Variants in SAMD12 observed in about 807,000 individuals in gnomAD.
The protein encoded by SAMD12 is sterile alpha motif domain-containing protein 12.
Under a neutral mutation model 15.0 loss-of-function variants are expected in SAMD12, and 9 were observed. The ratio of observed to expected loss-of-function variants is 0.60; its 90% CI spans 0.36 to 1.05. The LOEUF is 1.05. SAMD12 is among the 50% of genes least tolerant of loss of function. The pLI is 0.01. For synonymous variants in SAMD12, 86 were observed against 90.1 expected (o/e 0.96, Z 0.25); for missense variants, 230 against 234.2 (o/e 0.98, Z 0.12).
rs527702659 is a variant in SAMD12 at position 118,581,896 on chromosome 8, A to G, written c.14-1003T>C. On this transcript the variant is annotated intron_variant, in intron 1 of 3. Transcript: ENST00000314727. ...CTTTATTCACAGAGAAGTTAAGGCC[A>G]GATACTTAATACCCCCATCTTCCCC... is the stretch of plus-strand genomic sequence containing the variant. Among the ~76,000 whole-genome samples, 387 of 152,250 alleles carry G rather than the reference A, an allele frequency of 2.5e-3. 1 individual carries two copies. Among genetic ancestry groups the G allele is most frequent in the Non-Finnish European group, 4.4e-3 (298 of 68,006 alleles).
At chr8:118,207,968 C>G (rs1396412823) in intron 4 of SAMD12, among the ~76,000 whole-genome samples, 9 of 151,452 alleles carry the variant, frequency 5.9e-5, no homozygotes, top group Admixed American at 5.9e-4. Context: ...AGAAATATCT[C>G]TTTTGGAAAC....
intron 2 of SAMD12, among the ~76,000 whole-genome samples, chr8:118,477,951 T>C (rs1243531207): frequency 2.0e-5 from 3 of 148,798 alleles, no homozygotes; most frequent in Non-Finnish European, 4.4e-5. Flanking sequence ...GAGGTGGTGC[T>C]TGCAGTGAGC....
chr8:118,363,772 T>C (rs999640924), intron 4 of SAMD12, among the ~76,000 whole-genome samples: 7 of 152,224 alleles, frequency 4.6e-5, no homozygotes, highest in African/African-American at 1.7e-4. Context: ...AGAAATAATA[T>C]TTTTTAGCTG....
chr8:118,355,936 C>T (rs180735746), intron 4 of SAMD12, among the ~76,000 whole-genome samples: 18 of 152,266 alleles, frequency 1.2e-4, no homozygotes, highest in Non-Finnish European at 7.4e-5. Context: ...CCTAAATGAT[C>T]CCCTCTCTTA....
chr8:118,284,508 A>T (rs1368145673), intron 4 of SAMD12: 5 of 356,560 alleles, frequency 1.4e-5, no homozygotes, highest in African/African-American at 1.1e-4. Flanking sequence ...TACTCTTTCC[A>T]TCTAGACAAA....
At chr8:118,173,914 G>A in the SAMD12 span, among the ~76,000 whole-genome samples, 1 of 152,056 alleles carries the variant, frequency 6.6e-6, no homozygotes, top group Non-Finnish European at 1.5e-5. Flanking sequence ...GCAGGCATGA[G>A]CCAACACATC....
the SAMD12 span, among the ~76,000 whole-genome samples, chr8:118,181,074 TG>T: frequency 2.0e-5 from 3 of 152,050 alleles, no homozygotes; most frequent in East Asian, 5.8e-4. Flanking sequence ...GTTTTAGAGA[TG>T]GGGGTCTTGC....
At chr8:118,295,562 A>G (rs548185465) in intron 4 of SAMD12, 1 of 152,336 alleles carries the variant, frequency 6.6e-6, no homozygotes, top group East Asian at 1.9e-4. Context: ...TTTATTAAAT[A>G]AAAGCCTAGG....
At chr8:118,358,820 T>A (rs1314367216) in intron 4 of SAMD12, among the ~76,000 whole-genome samples, 1 of 152,178 alleles carries the variant, frequency 6.6e-6, no homozygotes, top group African/African-American at 2.4e-5. Flanking sequence ...CAGAGTAGTA[T>A]ATGGATACTC....
intron 2 of SAMD12, among the ~76,000 whole-genome samples, chr8:118,491,183 CTG>C (rs1335055114): frequency 6.6e-6 from 1 of 152,164 alleles, no homozygotes; most frequent in Non-Finnish European, 1.5e-5. Context: ...CTTGAAGAAA[CTG>C]AGTTCTTTCT....
chr8:118,215,002 T>G (rs1205402212), intron 4 of SAMD12, among the ~76,000 whole-genome samples: 1 of 152,220 alleles, frequency 6.6e-6, no homozygotes, highest in Admixed American at 6.5e-5. Context: ...GAGAATTTAC[T>G]TGCAGCACTA....
exon 5 of SAMD12, chr8:118,191,809 TATAGAGAGAGAGAGAG>T (rs1819406852): frequency 8.4e-5 from 1 of 11,910 alleles, no homozygotes; most frequent in African/African-American, 2.3e-4. Context: ...TATATATATA[TATAGAGAGAGAGAGAG>T]AGAGAGAGAG....
intron 2 of SAMD12, among the ~76,000 whole-genome samples, chr8:118,493,004 C>T (rs573230305): frequency 6.4e-4 from 98 of 152,112 alleles, no homozygotes; most frequent in African/African-American, 2.2e-3. Context: ...CAAGTATTAG[C>T]CTACAACAGA....
the SAMD12 span, among the ~76,000 whole-genome samples, chr8:118,136,095 T>C: frequency 1.3e-5 from 2 of 152,112 alleles, no homozygotes; most frequent in African/African-American, 4.8e-5. Context: ...AGTGGCACAA[T>C]CTCAGCTTAC....
At chr8:118,275,464 CT>C (rs1283831761) in intron 4 of SAMD12, among the ~76,000 whole-genome samples, 3 of 152,144 alleles carry the variant, frequency 2.0e-5, no homozygotes, top group African/African-American at 7.2e-5. Context: ...GAAATTCTCT[CT>C]TTTTCTATTA....
Position 118,621,791 on chromosome 8 carries a change from A to G in SAMD12, c.13+13T>C, listed in dbSNP as rs749029187. 13 of 1,613,916 alleles carry G rather than the reference A, an allele frequency of 8.1e-6. No individual in the cohort carries two copies. In the South Asian group the frequency reaches 1.4e-4, roughly 18 times the overall value. On this transcript the variant is annotated intron_variant, in intron 1 of 3. Coordinates refer to ENST00000314727, the MANE Select transcript of SAMD12 (RefSeq NM_207506.3). Reference sequence around the variant, plus strand: ...TTAAGAGGGAGCTTAAAAATGCCCCAAGCGTCCCTTACCTTCCACAGCCAT... The same window carrying G: ...TTAAGAGGGAGCTTAAAAATGCCCCGAGCGTCCCTTACCTTCCACAGCCAT...
chr8:118,567,025 A>G (rs913741312), intron 2 of SAMD12, among the ~76,000 whole-genome samples: 1 of 152,344 alleles, frequency 6.6e-6, no homozygotes, highest in African/African-American at 2.4e-5. Context: ...GATAAAGGTG[A>G]TAGCAAAAAT....
chr8:118,276,434 G>T (rs1813476131), intron 4 of SAMD12, among the ~76,000 whole-genome samples: 1 of 152,138 alleles, frequency 6.6e-6, no homozygotes. Flanking sequence ...ATTAAGGAAG[G>T]TTCTTCATTT....
chr8:118,397,574 G>T (rs1820646803), intron 3 of SAMD12, among the ~76,000 whole-genome samples: 1 of 152,054 alleles, frequency 6.6e-6, no homozygotes, highest in African/African-American at 2.4e-5. Flanking sequence ...GATATCTTTT[G>T]TTTGACCCCA....
Sources: allele counts gnomAD v4.1 joint callset (sites outside exome capture counted in the v4.1 genomes callset), GRCh38; gene constraint gnomAD v4.1.1; transcripts MANE v1.5; gene names NCBI Gene and HGNC (gene_info 2026-07-23, HGNC 2026-07-21).